MYCBP2: variants seen among roughly 807,000 people sequenced by gnomAD.
MYCBP2 encodes the protein E3 ubiquitin-protein ligase MYCBP2.
In MYCBP2, 120 loss-of-function variants were observed where a neutral mutation model predicts 525.3. The observed-to-expected ratio is 0.23, with a 90% CI of 0.20 to 0.27. MYCBP2 has a LOEUF of 0.27. Ranked by LOEUF, MYCBP2 falls within the 10% of genes least tolerant of loss-of-function variation. MYCBP2 has a pLI of 1.00. For synonymous variants in MYCBP2, 1,894 were observed against 1,955.8 expected (o/e 0.97, Z 0.83); for missense variants, 4,149 against 5,657.1 (o/e 0.73, Z 8.55).
intron 5 of MYCBP2, among the ~76,000 whole-genome samples, chr13:77,273,255 A>T (rs1461822669): frequency 6.6e-6 from 1 of 152,216 alleles, no homozygotes; most frequent in African/African-American, 2.4e-5. Context: ...TAAAGATTTA[A>T]GAGGTCTGGC....
chr13:77,112,585 C>G (rs894405835), intron 55 of MYCBP2, among the ~76,000 whole-genome samples: 1 of 151,406 alleles, frequency 6.6e-6, no homozygotes, highest in African/African-American at 2.4e-5. Context: ...ATCACTATGC[C>G]CAGCTGATCT....
chr13:77,305,433 G>C (rs1222808487), intron 1 of MYCBP2, among the ~76,000 whole-genome samples: 1 of 152,002 alleles, frequency 6.6e-6, no homozygotes, highest in African/African-American at 2.4e-5. Flanking sequence ...AGAAACAATG[G>C]CAACAAAAGG....
Position 77,217,977 on chromosome 13 carries a change from AG to A in MYCBP2, c.2940-21del. 2.2e-6 allele frequency: 3 copies of A among 1,355,460 alleles called. No individual in the cohort carries two copies. The highest frequency in any genetic ancestry group is 3.1e-6 in the Non-Finnish European group (3 of 970,094). 84.0% of individuals were successfully genotyped at this position (1,355,460 alleles called of 1,614,324 possible). Reference sequence around the variant, plus strand: ...CATCCCCTAGGTTAAAAAAAAAAAAAGTAAGTCAATTTCTTACAAAACTCAA... The same window carrying A: ...CATCCCCTAGGTTAAAAAAAAAAAAATAAGTCAATTTCTTACAAAACTCAA... On this transcript the variant is annotated intron_variant, in intron 20 of 82. Transcript: ENST00000544440.
intron 68 of MYCBP2, among the ~76,000 whole-genome samples, chr13:77,076,406 C>T (rs1459484308): frequency 6.6e-5 from 10 of 151,982 alleles, no homozygotes; most frequent in Admixed American, 3.9e-4. Context: ...GAGGATAAAT[C>T]GTAAAAAAGT....
chr13:77,211,947 T>G lies in MYCBP2; in HGVS notation c.3262+9A>C, dbSNP rs2064077488. 6 of 1,602,424 alleles carry G rather than the reference T, an allele frequency of 3.7e-6. No individual in the cohort carries two copies. The highest frequency in any genetic ancestry group is 5.1e-6 in the Non-Finnish European group (6 of 1,169,836). On this transcript the variant is annotated intron_variant, in intron 22 of 82. Coordinates refer to ENST00000544440, the MANE Select transcript of MYCBP2 (RefSeq NM_015057.5). ...TTTGGAAGGGGCATTTGTTTATTTC[T>G]GGTATTACCTATTATGTGTTTACTG...
At chr13:77,252,604 T>C (rs2154330576) in intron 14 of MYCBP2, among the ~76,000 whole-genome samples, 1 of 152,274 alleles carries the variant, frequency 6.6e-6, no homozygotes, top group Non-Finnish European at 1.5e-5. Flanking sequence ...TATCTCTTAT[T>C]CTTAGTCAAT....
intron 55 of MYCBP2, among the ~76,000 whole-genome samples, chr13:77,119,309 C>T (rs1192080237): frequency 6.6e-6 from 1 of 152,110 alleles, no homozygotes; most frequent in African/African-American, 2.4e-5. Context: ...GAGGGAACTA[C>T]ATCCAGACTA....
chr13:77,169,574 T>C, intron 39 of MYCBP2, 40 bp downstream of exon 39: 1 of 1,552,442 alleles, frequency 6.4e-7, no homozygotes, highest in Non-Finnish European at 8.9e-7. Flanking sequence ...AAAAAGATAT[T>C]TAAAAAAAAC....
intron 17 of MYCBP2, among the ~76,000 whole-genome samples, chr13:77,241,542 G>A (rs1337297181): frequency 6.6e-6 from 1 of 152,034 alleles, no homozygotes; most frequent in Non-Finnish European, 1.5e-5. Context: ...TACCACATCA[G>A]AAACTTAATT....
chr13:77,283,671 CA>C (rs2076430371), intron 3 of MYCBP2, among the ~76,000 whole-genome samples: 5 of 152,092 alleles, frequency 3.3e-5, no homozygotes, highest in African/African-American at 1.2e-4. Context: ...CTGAGGCGGT[CA>C]GACTGCTTGA....
chr13:77,060,617 T>C (rs1227711001), intron 76 of MYCBP2, among the ~76,000 whole-genome samples: 1 of 152,218 alleles, frequency 6.6e-6, no homozygotes, highest in African/African-American at 2.4e-5. Context: ...GAGATAAAAA[T>C]ACATTTAACA....
chr13:77,268,204 T>A (rs903716326), intron 7 of MYCBP2, among the ~76,000 whole-genome samples: 1 of 152,228 alleles, frequency 6.6e-6, no homozygotes. Flanking sequence ...TTGTTCAAAA[T>A]GACCATACCA....
intron 15 of MYCBP2, among the ~76,000 whole-genome samples, chr13:77,249,020 C>G (rs1567046720): frequency 3.9e-5 from 6 of 152,140 alleles, no homozygotes; most frequent in Admixed American, 3.9e-4. Flanking sequence ...ACAAAAAAGA[C>G]AAATACTCTG....
intron 69 of MYCBP2, among the ~76,000 whole-genome samples, chr13:77,069,106 A>G (rs540642530): frequency 2.0e-5 from 3 of 152,244 alleles, no homozygotes; most frequent in Non-Finnish European, 4.4e-5. Context: ...CTTACAGTTT[A>G]GCACGTCAAA....
intron 26 of MYCBP2, among the ~76,000 whole-genome samples, chr13:77,199,814 G>A (rs2062250029): frequency 6.6e-6 from 1 of 152,166 alleles, no homozygotes; most frequent in South Asian, 2.1e-4. Context: ...TACTCCAACA[G>A]ACCTGCAGCT....
rs550996530 is a variant in MYCBP2, at chr13:77,278,932, T to C, written c.595-21A>G. 3.0e-5 allele frequency: 46 copies of C among 1,515,216 alleles called. No homozygotes were observed. In the South Asian group the frequency reaches 4.8e-4, roughly 16 times the overall value. The allele number at this position is 1,515,216 out of a possible 1,614,324, so 93.9% of individuals were successfully genotyped here. A position where few individuals can be genotyped will look rare whatever the true frequency, so the allele number is the denominator to read the frequency against. ...ATAATCTATTTAAAAGGAAAAAATA[T>C]ATATACTTTATGACATGTAAGCTAG... On this transcript the variant is annotated intron_variant, in intron 3 of 82. Coordinates refer to ENST00000544440, the MANE Select transcript of MYCBP2 (RefSeq NM_015057.5).
intron 76 of MYCBP2, 70 bp from the exon 77 acceptor site, chr13:77,059,696 T>G (rs2038922331): frequency 8.9e-7 from 1 of 1,129,440 alleles, no homozygotes; most frequent in African/African-American, 1.5e-5. Context: ...GAACTAAATT[T>G]TAAAAAGCAA....
intron 18 of MYCBP2, among the ~76,000 whole-genome samples, chr13:77,231,153 A>G (rs1370675012): frequency 1.3e-5 from 2 of 152,234 alleles, no homozygotes; most frequent in Non-Finnish European, 1.5e-5. Flanking sequence ...ATAAAACCCT[A>G]AAATCCAATA....
chr13:77,244,167 A>C (rs1451986864), intron 15 of MYCBP2, among the ~76,000 whole-genome samples: 1 of 152,254 alleles, frequency 6.6e-6, no homozygotes, highest in African/African-American at 2.4e-5. Context: ...AATAGGCATA[A>C]TTGGTATATT....
Sources: gnomAD v4.1 joint callset for allele counts (sites outside exome capture counted in the v4.1 genomes callset) on GRCh38, gnomAD v4.1.1 for gene constraint, MANE v1.5 for transcripts, NCBI Gene and HGNC (gene_info 2026-07-23, HGNC 2026-07-21) for gene names.